The following EPX variants were observed in gnomAD, a reference collection of about 807,000 sequenced individuals.
EPX encodes eosinophil peroxidase.
Under a neutral mutation model 73.0 loss-of-function variants are expected in EPX, and 60 were observed. The ratio of observed to expected loss-of-function variants is 0.82; its 90% confidence interval spans 0.67 to 1.02. The LOEUF is 1.02. Among genes scored for constraint, EPX ranks in the 50% least tolerant of loss-of-function variants. The probability of loss-of-function intolerance (pLI) is 0.00; values close to 1 mark genes in which losing one functional copy is unlikely to be tolerated. For synonymous variants in EPX, 347 were observed against 389.2 expected, an observed-to-expected ratio of 0.89 and a Z score of 1.28; for missense variants, 950 against 973.9, an observed-to-expected ratio of 0.98 and a Z score of 0.33.
intron 4 of EPX, 30 bp downstream of exon 4, chr17:58,193,861 C>T: frequency 1.2e-6 from 2 of 1,602,082 alleles, no homozygotes; most frequent in Non-Finnish European, 1.7e-6. Context: ...AGGGGCTGCC[C>T]CTGCCTGGGG....
intron 10 of EPX, among the ~76,000 whole-genome samples, chr17:58,201,128 C>T (rs371862381): frequency 1.3e-5 from 2 of 152,318 alleles, no homozygotes; most frequent in East Asian, 3.9e-4. Context: ...AGGTTTTGGC[C>T]ACTGCCTTGC....
chr17:58,193,253 C>T (rs1968203360), intron 2 of EPX, 118 bp from the exon 3 acceptor site: 1 of 1,243,840 alleles, frequency 8.0e-7, no homozygotes, highest in Admixed American at 1.7e-5. Flanking sequence ...GTTGGTAGAG[C>T]CTCCCTTCCA....
intron 12 of EPX, 66 bp from the exon 13 acceptor site, chr17:58,204,670 T>C (rs912624341): frequency 1.8e-6 from 1 of 546,708 alleles, no homozygotes; most frequent in Non-Finnish European, 3.3e-6. Flanking sequence ...CACTAATACC[T>C]GAAAACAGCT....
At position 58,199,096 on chromosome 17, in the gene EPX, C is replaced by T. The variant is rs772694048; in HGVS notation, c.1177C>T (p.Arg393Ter). 5.6e-6 allele frequency: 9 copies of T among 1,613,974 alleles called. No homozygotes were observed. The highest frequency in any genetic ancestry group is 3.3e-4 in the Middle Eastern group (2 of 6,062). ...GGCAGCCATGCACACCCTCTTTATG[C>T]GAGAGCACAACCGGCTGGCCACCGA... ...KLAAMHTLFM[R>*]EHNRLATELR... is the part of the protein sequence containing the mutation. Residue 393 changes from arginine to a stop codon, truncating the protein, a stop_gained, in exon 8 of 13, where the codon CGA becomes TGA. Coordinates refer to ENST00000225371, the MANE Select transcript of EPX (RefSeq NM_000502.6). LOFTEE classifies it high-confidence loss of function.
intron 10 of EPX, chr17:58,202,804 T>A: frequency 4.2e-6 from 2 of 473,632 alleles, no homozygotes; most frequent in Non-Finnish European, 7.8e-6. Context: ...TCACTAAGTG[T>A]CGGATTTGTG....
At chr17:58,198,169 C>G (rs1053775143) in intron 7 of EPX, among the ~76,000 whole-genome samples, 7 of 152,210 alleles carry the variant, frequency 4.6e-5, no homozygotes, top group African/African-American at 1.2e-4. Flanking sequence ...ATCTCTAAAC[C>G]TTGCAACAGC....
At chr17:58,196,355 G>C (rs917291174) in intron 6 of EPX, among the ~76,000 whole-genome samples, 1 of 152,146 alleles carries the variant, frequency 6.6e-6, no homozygotes, top group Admixed American at 6.5e-5. Flanking sequence ...TAATCCACCT[G>C]CCTCGGCCTC....
Position 58,200,445 on chromosome 17 carries a change from T to C in EPX, c.1708+50T>C, listed in dbSNP as rs1283462036. On this transcript the variant is annotated intron_variant, in intron 10 of 12. Transcript: ENST00000225371. ...CCCAGCTTTGCTCGGGCCAGGCTGC[T>C]CAAGGGGTTCTGGGAAGACCCTGGT... 5 of 1,582,890 alleles carry C rather than the reference T, an allele frequency of 3.2e-6. No homozygotes were observed. In the African/African-American group the frequency reaches 4.0e-5, roughly 13 times the overall value.
In EPX at chr17:58,203,172, G is replaced by A; in HGVS notation, c.1800G>A (p.Arg600=). 1 of 1,614,194 alleles carries A rather than the reference G, an allele frequency of 6.2e-7. No individual in the cohort carries two copies. Among genetic ancestry groups the A allele is most frequent in the Non-Finnish European group, 8.5e-7 (1 of 1,180,036 alleles). The change falls in exon 11 of 13, where the codon AGG becomes AGA. Residue 600 remains arginine (R), a synonymous_variant. Coordinates refer to ENST00000225371, the MANE Select transcript of EPX (RefSeq NM_000502.6). The part of the protein sequence containing the change: ...SRVLKNQDLA[R]KFLNLYGTPD... The stretch of plus-strand genomic sequence containing the variant: ...TGCTGAAAAACCAGGACTTGGCAAG[G>A]AAGTTCCTGAATTTGTATGGAACAC...
At chr17:58,196,892 T>C in intron 6 of EPX, 47 bp from the exon 7 acceptor site, 1 of 1,399,224 alleles carries the variant, frequency 7.1e-7, no homozygotes, top group Non-Finnish European at 1.0e-6. Flanking sequence ...GAGGAGTGAG[T>C]CTGCTATTGA....
In EPX at chr17:58,204,288, G is replaced by T. The variant is rs757607864; in HGVS notation, c.2013G>T (p.Leu671Phe). 7 of 1,614,122 alleles carry T rather than the reference G, an allele frequency of 4.3e-6. No homozygotes were observed. The South Asian group carries it at 6.6e-5, about 15-fold the overall frequency. The change falls in exon 12 of 13, where the codon TTG (leucine) becomes TTT (phenylalanine). Residue 671 changes from leucine (L) to phenylalanine (F), a missense_variant. Leu to Phe is a conservative substitution (Grantham distance 22, BLOSUM62 0). Transcript: ENST00000225371. Reference protein sequence around the residue: ...RQRKALSRISLSRIICDNTGI... With the variant: ...RQRKALSRISFSRIICDNTGI... ...GCAAGGCCCTGAGCAGAATTTCCTT[G>T]TCTCGAATTATATGTGACAATACCG...
chr17:58,202,785 C>G (rs1597969418), intron 10 of EPX: 2 of 436,154 alleles, frequency 4.6e-6, no homozygotes, highest in East Asian at 9.3e-5. Flanking sequence ...GCAGTCGAGC[C>G]CAGTAATATC....
chr17:58,193,292 T>C (rs1968203814), intron 2 of EPX, 79 bp from the exon 3 acceptor site: 8 of 1,470,632 alleles, frequency 5.4e-6, no homozygotes, highest in Non-Finnish European at 6.7e-6. Context: ...TGCCCTGTCC[T>C]GACTGTGCCC....
intron 7 of EPX, among the ~76,000 whole-genome samples, chr17:58,198,084 C>T (rs1211871192): frequency 6.6e-6 from 1 of 152,192 alleles, no homozygotes; most frequent in Non-Finnish European, 1.5e-5. Context: ...GATTCACCTG[C>T]CTTGGCCTCC....
rs769233523 is a variant in EPX at position 58,192,892 on chromosome 17, C to A, written c.46C>A (p.Leu16Ile). The change falls in exon 1 of 13, where the codon CTC becomes ATC. Residue 16 changes from leucine (L) to isoleucine (I), a missense_variant. Coordinates refer to ENST00000225371, the MANE Select transcript of EPX (RefSeq NM_000502.6). Reference sequence around the variant, plus strand: ...GGCAGGGGTCCTGGCCACACTCGTCCTCGCCCAGCCCTGTGAGGGCACTGA... The same window carrying A: ...GGCAGGGGTCCTGGCCACACTCGTCATCGCCCAGCCCTGTGAGGGCACTGA... ...ALAGVLATLV[L>I]AQPCEGTDPA... 1.9e-6 allele frequency: 3 copies of A among 1,614,140 alleles called. No homozygotes were observed. The highest frequency in any genetic ancestry group is 2.2e-5 in the South Asian group (2 of 91,076).
In EPX at chr17:58,193,504, G is replaced by A. The variant is rs1157517843; in HGVS notation, c.304G>A (p.Glu102Lys). ...GCATGTGGCTTTGGGGCTGCTTGAA[G>A]AGAAGTTACAACCCCAGCGGTCCGG... ...YMHVALGLLE[E>K]KLQPQRSGPF... is the part of the protein sequence containing the mutation. Residue 102 changes from glutamate (E) to lysine (K), a missense_variant, in exon 3 of 13, where the codon GAG (glutamate) becomes AAG (lysine). Physicochemically the swap from Glu to Lys is moderately conservative, Grantham distance 56 (BLOSUM62 1). Coordinates refer to ENST00000225371, the MANE Select transcript of EPX (RefSeq NM_000502.6). The A allele has an allele frequency of 1.2e-6, 2 of 1,614,194 alleles. No homozygotes were observed.
Position 58,203,076 on chromosome 17 carries a change from T to G in EPX, c.1709-5T>G. On this transcript the variant is annotated splice_polypyrimidine_tract_variant and splice_region_variant and intron_variant, in intron 10 of 12. Coordinates refer to ENST00000225371, the MANE Select transcript of EPX (RefSeq NM_000502.6). ...CTGAAGCTGCTTCTCCCCGTTCCCC[T>G]GCAGGGTACAATGCTTGGAGGCGCT... 6.2e-7 allele frequency: 1 copy of G among 1,608,754 alleles called. No individual in the cohort carries two copies. Among genetic ancestry groups the G allele is most frequent in the Non-Finnish European group, 8.5e-7 (1 of 1,175,474 alleles).
chr17:58,200,586 C>T (rs915016132), intron 10 of EPX, among the ~76,000 whole-genome samples, 191 bp downstream of exon 10: 5 of 152,298 alleles, frequency 3.3e-5, no homozygotes, highest in Admixed American at 6.5e-5. Context: ...GCCATGGCTC[C>T]CCCATCCACT....
At chr17:58,202,341 A>G (rs1302834784) in intron 10 of EPX, 1 of 152,424 alleles carries the variant, frequency 6.6e-6, no homozygotes, top group Non-Finnish European at 1.5e-5. Context: ...TGGCTGACAA[A>G]TTGGTATGGC....
Sources: allele counts gnomAD v4.1 joint callset (sites outside exome capture counted in the v4.1 genomes callset), GRCh38; gene constraint gnomAD v4.1.1; transcripts MANE v1.5; gene names NCBI Gene and HGNC (gene_info 2026-07-23, HGNC 2026-07-21).